The following ACER3 variants were observed in gnomAD, a reference collection of about 807,000 sequenced individuals.
ACER3 encodes alkCDase 3.
Under a neutral mutation model 48.9 loss-of-function variants are expected in ACER3, and 16 were observed. That is an observed-to-expected ratio of 0.33 (90% CI 0.22 to 0.50). The LOEUF (loss-of-function observed/expected upper bound fraction) is 0.50. Among genes scored for constraint, ACER3 ranks in the 20% least tolerant of loss-of-function variants. The pLI, the probability that ACER3 is intolerant of heterozygous loss-of-function variation, is 0.98. For missense variants in ACER3, 227 were observed against 326.0 expected, an observed-to-expected ratio of 0.70 and a Z score of 2.34; for synonymous variants, 109 against 107.8, an observed-to-expected ratio of 1.01 and a Z score of -0.07.
At chr11:76,867,711 A>G (rs538398274) in intron 1 of ACER3, among the ~76,000 whole-genome samples, 4 of 152,290 alleles carry the variant, frequency 2.6e-5, no homozygotes, top group South Asian at 4.1e-4. Context: ...AAAATTCCCA[A>G]TTATGGTTTT....
chr11:76,978,376 TCACA>T (rs1948498535), intron 4 of ACER3: 1 of 152,204 alleles, frequency 6.6e-6, no homozygotes, highest in African/African-American at 2.4e-5. Context: ...CCAGCCAGAC[TCACA>T]CAGATGACTG....
At chr11:76,988,642 C>T (rs1015258295) in intron 5 of ACER3, among the ~76,000 whole-genome samples, 8 of 152,280 alleles carry the variant, frequency 5.3e-5, no homozygotes, top group Middle Eastern at 3.4e-3. Context: ...ATAGGGATTA[C>T]GATTCAGATT....
At chr11:76,995,810 T>G (rs983980674) in intron 6 of ACER3, among the ~76,000 whole-genome samples, 3 of 152,140 alleles carry the variant, frequency 2.0e-5, no homozygotes, top group Non-Finnish European at 4.4e-5. Context: ...CCCATGATGT[T>G]GCCAAGGCAT....
chr11:76,989,690 C>A (rs1948759049), intron 5 of ACER3, among the ~76,000 whole-genome samples: 1 of 152,020 alleles, frequency 6.6e-6, no homozygotes, highest in African/African-American at 2.4e-5. Flanking sequence ...AATAGTGAGA[C>A]CAAATAGAAA....
intron 4 of ACER3, among the ~76,000 whole-genome samples, chr11:76,984,681 A>G (rs146625155): frequency 6.6e-6 from 1 of 152,356 alleles, no homozygotes; most frequent in Non-Finnish European, 1.5e-5. Context: ...CCTGCACACA[A>G]GGAATTCACA....
chr11:76,911,132 A>G (rs938573957), intron 1 of ACER3, among the ~76,000 whole-genome samples: 3 of 152,214 alleles, frequency 2.0e-5, no homozygotes, highest in Admixed American at 1.3e-4. Flanking sequence ...GTTTATTAAG[A>G]AAGTAAAGGA....
chr11:76,944,258 T>G (rs552711275), intron 2 of ACER3, among the ~76,000 whole-genome samples: 2 of 152,258 alleles, frequency 1.3e-5, no homozygotes, highest in East Asian at 3.9e-4. Context: ...TGTGTTCACA[T>G]TTGATTCTTT....
intron 3 of ACER3, among the ~76,000 whole-genome samples, chr11:76,968,950 A>G (rs1948218428): frequency 6.6e-6 from 1 of 152,226 alleles, no homozygotes; most frequent in African/African-American, 2.4e-5. Context: ...AATGGGATCT[A>G]ATTAAACTGA....
rs148790923 is a variant in ACER3, at chr11:76,951,762, G to C, written c.215-7217G>C. Among the ~76,000 whole-genome samples the C allele has an allele frequency of 1.7e-3, 252 of 152,314 alleles. 3 individuals are homozygous for C. The highest frequency in any genetic ancestry group is 5.7e-3 in the African/African-American group (238 of 41,564). ...GTTTCTGGTGACAGTGAACTGTGGA[G>C]ACCTAGACTATGCCTTTATGAACCT... On this transcript the variant is annotated intron_variant, in intron 2 of 10. Coordinates refer to ENST00000532485, the MANE Select transcript of ACER3 (RefSeq NM_018367.7).
intron 2 of ACER3, among the ~76,000 whole-genome samples, chr11:76,952,668 C>CTTT (rs398016733): frequency 0.56 from 73,946 of 132,604 alleles, 23,552 homozygotes; most frequent in Non-Finnish European, 0.73. Flanking sequence ...CGTAAGATTT[C>CTTT]TTTTTTTTTT....
chr11:77,009,356 C>T (rs899077632), intron 7 of ACER3, among the ~76,000 whole-genome samples: 9 of 152,124 alleles, frequency 5.9e-5, no homozygotes, highest in Non-Finnish European at 1.2e-4. Context: ...CACTCACTAC[C>T]GCAAGGACAG....
chr11:76,936,108 G>T (rs1002948084), intron 2 of ACER3, among the ~76,000 whole-genome samples: 2 of 152,208 alleles, frequency 1.3e-5, no homozygotes, highest in Non-Finnish European at 2.9e-5. Context: ...CATGGCTGGG[G>T]AATCATGGCC....
intron 6 of ACER3, among the ~76,000 whole-genome samples, chr11:76,993,773 C>T (rs1948853146): frequency 6.6e-6 from 1 of 152,224 alleles, no homozygotes; most frequent in South Asian, 2.1e-4. Context: ...GAGCACACAA[C>T]CTAGATCCCT....
chr11:77,007,519 A>G (rs1181643652), intron 7 of ACER3, among the ~76,000 whole-genome samples: 1 of 152,104 alleles, frequency 6.6e-6, no homozygotes, highest in Non-Finnish European at 1.5e-5. Flanking sequence ...CTGAGAGGGG[A>G]AGGATTGCTT....
At chr11:76,976,620 T>G (rs1486471966) in intron 4 of ACER3, among the ~76,000 whole-genome samples, 6 of 152,202 alleles carry the variant, frequency 3.9e-5, no homozygotes, top group Admixed American at 1.3e-4. Flanking sequence ...TGTACAAATT[T>G]AGATAAAGAT....
chr11:77,011,942 A>G (rs1174923008), intron 7 of ACER3, among the ~76,000 whole-genome samples: 2 of 152,274 alleles, frequency 1.3e-5, no homozygotes, highest in Non-Finnish European at 1.5e-5. Flanking sequence ...TAACCTATCA[A>G]TTCTATAGCA....
intron 6 of ACER3, among the ~76,000 whole-genome samples, chr11:76,993,130 G>C (rs1228784657): frequency 6.6e-6 from 1 of 152,106 alleles, no homozygotes; most frequent in Admixed American, 6.5e-5. Flanking sequence ...CCCCTGCCTT[G>C]GTGAAGCTCA....
chr11:76,877,871 C>T (rs1945425709), intron 1 of ACER3, among the ~76,000 whole-genome samples: 1 of 151,448 alleles, frequency 6.6e-6, no homozygotes, highest in African/African-American at 2.4e-5. Context: ...TTCAGGTTTG[C>T]TTGTTTTATA....
chr11:76,924,973 C>CAAAAAAAAAAAAAAAA (rs57093609), intron 1 of ACER3, among the ~76,000 whole-genome samples: 1 of 78,568 alleles, frequency 1.3e-5, no homozygotes, highest in East Asian at 5.2e-4. Flanking sequence ...AAGACTCTGT[C>CAAAAAAAAAAAAAAAA]AAAAAAAAAA....
Sources: gnomAD v4.1 joint callset for allele counts (sites outside exome capture counted in the v4.1 genomes callset) on GRCh38, gnomAD v4.1.1 for gene constraint, MANE v1.5 for transcripts, NCBI Gene and HGNC (gene_info 2026-07-23, HGNC 2026-07-21) for gene names.